The following UTRN variants were observed in gnomAD, a reference collection of about 807,000 sequenced individuals.
UTRN encodes utrophin.
Under a neutral mutation model 463.9 loss-of-function variants are expected in UTRN, and 283 were observed. That is an observed-to-expected ratio of 0.61 (90% CI 0.55 to 0.67). UTRN has a LOEUF of 0.67. UTRN is among the 30% of genes least tolerant of loss of function. The pLI, the probability that UTRN is intolerant of heterozygous loss-of-function variation, is 0.00. For synonymous variants in UTRN, 1,442 were observed against 1,431.5 expected, an observed-to-expected ratio of 1.01 and a Z score of -0.17; for missense variants, 3,922 against 4,084.3, an observed-to-expected ratio of 0.96 and a Z score of 1.08.
intron 23 of UTRN, among the ~76,000 whole-genome samples, chr6:144,463,159 A>G (rs1330555417): frequency 6.6e-6 from 1 of 152,208 alleles, no homozygotes; most frequent in Non-Finnish European, 1.5e-5. Context: ...TGTGTGAAAT[A>G]CAGACTGTTG....
At chr6:144,654,859 G>C (rs1020197253) in intron 51 of UTRN, among the ~76,000 whole-genome samples, 8 of 152,296 alleles carry the variant, frequency 5.3e-5, no homozygotes, top group African/African-American at 1.9e-4. Context: ...TCCTGCACCT[G>C]GTTGGCTAAT....
chr6:144,815,589 T>C (rs961540832), intron 65 of UTRN, among the ~76,000 whole-genome samples: 9 of 152,178 alleles, frequency 5.9e-5, no homozygotes, highest in Admixed American at 2.0e-4. Flanking sequence ...GTTGAAGAAC[T>C]TGGAGTTTAT....
At chr6:144,749,810 T>C (rs1791188430) in intron 55 of UTRN, among the ~76,000 whole-genome samples, 1 of 152,202 alleles carries the variant, frequency 6.6e-6, no homozygotes, top group Non-Finnish European at 1.5e-5. Flanking sequence ...TTGAATTTCT[T>C]TTTTGTTCCA....
chr6:144,340,312 G>T (rs928848190), intron 2 of UTRN, among the ~76,000 whole-genome samples: 1 of 152,238 alleles, frequency 6.6e-6, no homozygotes, highest in Non-Finnish European at 1.5e-5. Flanking sequence ...GCGAGGTATA[G>T]TTGTATTAGT....
intron 51 of UTRN, among the ~76,000 whole-genome samples, chr6:144,601,327 T>G (rs1390245413): frequency 6.6e-6 from 1 of 152,246 alleles, no homozygotes; most frequent in Non-Finnish European, 1.5e-5. Context: ...AATGATTCAC[T>G]GCTCTAGATG....
intron 34 of UTRN, among the ~76,000 whole-genome samples, chr6:144,502,444 G>T (rs939054017): frequency 1.3e-5 from 2 of 151,638 alleles, no homozygotes; most frequent in African/African-American, 2.4e-5. Flanking sequence ...AGTGTGTGAT[G>T]TTACCCTCCC....
intron 3 of UTRN, among the ~76,000 whole-genome samples, chr6:144,416,072 T>G (rs1489156370): frequency 6.6e-6 from 1 of 151,778 alleles, no homozygotes; most frequent in Admixed American, 6.6e-5. Context: ...TGTGTGTGTG[T>G]GGGTGTGTGC....
rs1325156555 is a variant in UTRN at position 144,479,905 on chromosome 6, G to T, written c.3430G>T (p.Ala1144Ser). Residue 1144 changes from alanine (A) to serine (S), a missense_variant, in exon 26 of 75, where the codon GCC becomes TCC. Around this residue, in one of 3 missense-constraint regions of UTRN, gnomAD observed 2,349 missense variants for 2,303.8 expected, o/e 1.02. Transcript: ENST00000367545. ...LAEMQEWMTQ[A>S]EEEYLERDFE... ...AGAGATGCAGGAATGGATGACCCAG[G>T]CCGAGGAAGAATATTTGGAGCGGGA... is the stretch of plus-strand genomic sequence containing the variant. 6.2e-7 allele frequency: 1 copy of T among 1,614,202 alleles called. No individual in the cohort carries two copies. Among genetic ancestry groups the T allele is most frequent in the South Asian group, 1.1e-5 (1 of 91,086 alleles).
chr6:144,835,632 T>G, intron 69 of UTRN, 148 bp from the exon 70 acceptor site: 2 of 964,094 alleles, frequency 2.1e-6, no homozygotes, highest in Non-Finnish European at 3.1e-6. Context: ...CTTCCTAGAG[T>G]TTTAAAAGGG....
intron 61 of UTRN, among the ~76,000 whole-genome samples, chr6:144,784,864 G>C (rs1776168827): frequency 6.6e-6 from 1 of 152,164 alleles, no homozygotes; most frequent in African/African-American, 2.4e-5. Context: ...AAATCTTTCA[G>C]GACTAACCTC....
chr6:144,590,713 A>G (rs1340175146), intron 51 of UTRN, among the ~76,000 whole-genome samples: 2 of 152,138 alleles, frequency 1.3e-5, no homozygotes, highest in Non-Finnish European at 2.9e-5. Flanking sequence ...CTAGCGTGAG[A>G]CTAAATTCAA....
intron 42 of UTRN, among the ~76,000 whole-genome samples, chr6:144,532,778 T>A (rs1465065000): frequency 6.6e-6 from 1 of 152,212 alleles, no homozygotes; most frequent in Non-Finnish European, 1.5e-5. Flanking sequence ...TCATCAAACA[T>A]GATTGATGCT....
Position 144,699,614 on chromosome 6 carries a change from A to G in UTRN, c.7653-473A>G, listed in dbSNP as rs142319321. ...TTTTCCTCTCTCTCTCTCCATGTAT[A>G]GAGATAAAATGAGAAAAAAATATAT... On this transcript the variant is annotated intron_variant, in intron 52 of 74. Transcript: ENST00000367545. Among the ~76,000 whole-genome samples, 3 of 149,762 alleles carry G rather than the reference A, an allele frequency of 2.0e-5. No individual in the cohort carries two copies. The East Asian group carries it at 5.9e-4, about 29-fold the overall frequency.
intron 51 of UTRN, among the ~76,000 whole-genome samples, chr6:144,602,298 A>ATT (rs1207383418): frequency 6.9e-6 from 1 of 144,144 alleles, no homozygotes. Context: ...GTCCCGGCTG[A>ATT]TTTTTTTTTT....
At chr6:144,431,383 C>CT (rs1785825971) in intron 9 of UTRN, among the ~76,000 whole-genome samples, 1 of 152,200 alleles carries the variant, frequency 6.6e-6, no homozygotes, top group Admixed American at 6.5e-5. Context: ...CATTTGCAAG[C>CT]TTTCATTAGT....
intron 15 of UTRN, 71 bp downstream of exon 15, chr6:144,447,389 G>A: frequency 6.8e-7 from 1 of 1,471,024 alleles, no homozygotes; most frequent in Non-Finnish European, 9.3e-7. Context: ...CTAATGGTTA[G>A]TAGAATTTAG....
intron 51 of UTRN, among the ~76,000 whole-genome samples, chr6:144,665,210 T>G (rs1780265449): frequency 6.6e-6 from 1 of 152,248 alleles, no homozygotes; most frequent in African/African-American, 2.4e-5. Context: ...AGGATGAATC[T>G]AGTCTAGCAC....
chr6:144,781,650 G>T (rs1181155628), intron 60 of UTRN, among the ~76,000 whole-genome samples: 1 of 152,154 alleles, frequency 6.6e-6, no homozygotes, highest in Non-Finnish European at 1.5e-5. Context: ...GCCAGAAAAA[G>T]AAAGTAGGAA....
At chr6:144,578,277 C>T (rs944728655) in intron 51 of UTRN, among the ~76,000 whole-genome samples, 5 of 152,162 alleles carry the variant, frequency 3.3e-5, no homozygotes, top group Admixed American at 3.3e-4. Flanking sequence ...CATCTGATTA[C>T]TTTATACCAT....
Sources: gnomAD v4.1 joint callset for allele counts (sites outside exome capture counted in the v4.1 genomes callset) on GRCh38, gnomAD v4.1.1 for gene constraint, gnomAD v4.1.1 regional missense constraint, MANE v1.5 for transcripts, NCBI Gene and HGNC (gene_info 2026-07-23, HGNC 2026-07-21) for gene names.